Variants in OTUD7A observed in about 807,000 individuals in gnomAD.
OTUD7A encodes OTU domain-containing protein 7A.
A neutral mutation model predicts 65.7 loss-of-function variants in OTUD7A; 12 were observed. That is an observed-to-expected ratio of 0.18 (90% CI 0.12 to 0.30). The LOEUF (loss-of-function observed/expected upper bound fraction) is 0.30. Among genes scored for constraint, OTUD7A ranks in the 10% least tolerant of loss-of-function variants. OTUD7A has a pLI of 1.00. For synonymous variants in OTUD7A, 641 were observed against 586.3 expected (o/e 1.09, Z -1.35); for missense variants, 1,148 against 1,304.8 (o/e 0.88, Z 1.85).
intron 1 of OTUD7A, among the ~76,000 whole-genome samples, chr15:31,828,843 G>A (rs1045183008): frequency 4.6e-5 from 7 of 151,978 alleles, no homozygotes; most frequent in Admixed American, 6.6e-5. Context: ...TCCCTCTCCC[G>A]CTTTACCCCA....
rs2041113343 is a variant in OTUD7A at position 31,481,217 on chromosome 15, T to A, written c.*2077A>T. 1 of 152,240 alleles carries A rather than the reference T, an allele frequency of 6.6e-6. No individual in the cohort carries two copies. The highest frequency in any genetic ancestry group is 2.4e-5 in the African/African-American group (1 of 41,448). 9.4% of individuals were successfully genotyped at this position (152,240 alleles called of 1,614,324 possible). On this transcript the variant is annotated 3_prime_UTR_variant, in exon 13 of 13. Transcript: ENST00000307050. ...GAATTGACTTTATGCCTCCTTGACA[T>A]CTTGTGCATATGAGTTTGGTTTCTG...
intron 1 of OTUD7A, among the ~76,000 whole-genome samples, chr15:31,868,687 CCTT>C (rs1024141907): frequency 3.5e-4 from 54 of 152,308 alleles, no homozygotes; most frequent in African/African-American, 1.3e-3. Flanking sequence ...TGTCCCCTCT[CCTT>C]CTCCACCAAG....
At chr15:31,687,479 C>T (rs1333966748) in intron 1 of OTUD7A, among the ~76,000 whole-genome samples, 2 of 152,232 alleles carry the variant, frequency 1.3e-5, no homozygotes, top group Admixed American at 6.5e-5. Flanking sequence ...TTAACAGCTA[C>T]TGCTTAGCAA....
chr15:31,481,179 A>G lies in OTUD7A; in HGVS notation c.*2115T>C, dbSNP rs1256427889. 2.1e-5 allele frequency: 3 copies of G among 142,582 alleles called. No homozygotes were observed. The highest frequency in any genetic ancestry group is 4.6e-5 in the Non-Finnish European group (3 of 65,428). The allele number at this position is 142,582 out of a possible 1,614,324, so 8.8% of individuals were successfully genotyped here. On this transcript the variant is annotated 3_prime_UTR_variant, in exon 13 of 13. Transcript: ENST00000307050. ...TGGCTGTTTTTACATTAAGAAATGAAAAAAACAAGCAAGAATTGACTTTAT... is the reference window on the plus strand; with the variant it reads ...TGGCTGTTTTTACATTAAGAAATGAGAAAAACAAGCAAGAATTGACTTTAT...
chr15:31,818,058 C>T (rs1308176824), intron 1 of OTUD7A, among the ~76,000 whole-genome samples: 1 of 152,166 alleles, frequency 6.6e-6, no homozygotes, highest in South Asian at 2.1e-4. Context: ...TCTATCTCCC[C>T]CCAACTGAGG....
At chr15:31,807,573 G>A (rs951367013) in intron 1 of OTUD7A, among the ~76,000 whole-genome samples, 6 of 152,086 alleles carry the variant, frequency 3.9e-5, no homozygotes, top group African/African-American at 1.4e-4. Context: ...GTTTTGGCAG[G>A]ATTATAGAGG....
intron 5 of OTUD7A, among the ~76,000 whole-genome samples, chr15:31,531,520 C>CAAAAAAAAAA (rs60332452): frequency 2.7e-4 from 22 of 80,086 alleles, no homozygotes; most frequent in African/African-American, 6.7e-4. Flanking sequence ...GAGTAGGCCA[C>CAAAAAAAAAA]AAAAAAAAAA....
chr15:31,492,330 A>G (rs1452118360), intron 10 of OTUD7A, among the ~76,000 whole-genome samples: 2 of 152,172 alleles, frequency 1.3e-5, no homozygotes, highest in African/African-American at 4.8e-5. Context: ...TGTAATTCCA[A>G]CACTTTGGGA....
chr15:31,796,716 T>C (rs1595775515), intron 1 of OTUD7A, among the ~76,000 whole-genome samples: 1 of 151,170 alleles, frequency 6.6e-6, no homozygotes, highest in Admixed American at 6.6e-5. Context: ...TTCATACTTA[T>C]ATTTAGACAG....
intron 1 of OTUD7A, among the ~76,000 whole-genome samples, chr15:31,770,660 C>A (rs1047206991): frequency 6.6e-6 from 1 of 152,122 alleles, no homozygotes; most frequent in Non-Finnish European, 1.5e-5. Context: ...ATGGTCTTAA[C>A]AAAATATGAG....
rs1043872433 is a variant in OTUD7A, at chr15:31,783,217, A to G, written c.-100+87290T>C. 2.0e-5 allele frequency among the ~76,000 whole-genome samples: 3 copies of G among 152,358 alleles called. No homozygotes were observed. The East Asian group carries it at 5.8e-4, about 29-fold the overall frequency. ...AAGAATTTCTCAGCTGTTAGAAACC[A>G]GAAGAAATGGAAAATCAGAGCTTAA... On this transcript the variant is annotated intron_variant, in intron 1 of 12. Transcript: ENST00000307050.
In OTUD7A at chr15:31,476,332, C is replaced by T. The variant is rs1217328254; in HGVS notation, c.*6962G>A. 6.6e-6 allele frequency: 1 copy of T among 152,348 alleles called. No individual in the cohort carries two copies. The highest frequency in any genetic ancestry group is 1.5e-5 in the Non-Finnish European group (1 of 68,136). 9.4% of individuals were successfully genotyped at this position (152,348 alleles called of 1,614,324 possible). On this transcript the variant is annotated 3_prime_UTR_variant, in exon 13 of 13. Transcript: ENST00000307050. ...AGTTTTGGTCCTAAGTTAGCGGAGA[C>T]AAGCTGCCCCACTCCCCACTGCCAA...
chr15:31,646,513 T>C (rs1247558412), intron 3 of OTUD7A, among the ~76,000 whole-genome samples: 2 of 150,976 alleles, frequency 1.3e-5, no homozygotes, highest in Non-Finnish European at 2.9e-5. Flanking sequence ...CAGGCTGGAG[T>C]ACAATGGTGT....
intron 8 of OTUD7A, among the ~76,000 whole-genome samples, chr15:31,517,339 G>A (rs1293801377): frequency 6.6e-6 from 1 of 152,176 alleles, no homozygotes. Flanking sequence ...TGCACTCTGT[G>A]ACCAGAGCCC....
intron 8 of OTUD7A, among the ~76,000 whole-genome samples, chr15:31,504,538 G>C (rs2041528400): frequency 6.6e-6 from 1 of 152,206 alleles, no homozygotes; most frequent in Non-Finnish European, 1.5e-5. Flanking sequence ...CAAAAGGGAG[G>C]TGCACGTTGA....
At chr15:31,564,509 G>C (rs1434413668) in intron 4 of OTUD7A, among the ~76,000 whole-genome samples, 1 of 151,788 alleles carries the variant, frequency 6.6e-6, no homozygotes, top group Non-Finnish European at 1.5e-5. Context: ...GTAGAGGCAG[G>C]ACAGAACAAC....
At chr15:31,679,662 C>A (rs763809759) in intron 1 of OTUD7A, among the ~76,000 whole-genome samples, 2 of 152,166 alleles carry the variant, frequency 1.3e-5, no homozygotes, top group Non-Finnish European at 2.9e-5. Flanking sequence ...CTTCACGTTC[C>A]GCCATGATTG....
At chr15:31,602,009 G>A (rs539916341) in intron 3 of OTUD7A, among the ~76,000 whole-genome samples, 72 of 152,212 alleles carry the variant, frequency 4.7e-4, no homozygotes, top group African/African-American at 1.3e-3. Flanking sequence ...ATTCACAGCC[G>A]AATTCTACCA....
At chr15:31,794,954 G>C (rs1895914488) in intron 1 of OTUD7A, among the ~76,000 whole-genome samples, 1 of 152,208 alleles carries the variant, frequency 6.6e-6, no homozygotes, top group Non-Finnish European at 1.5e-5. Flanking sequence ...CCAGAGTTTA[G>C]TCATTGGTCT....
Sources: gnomAD v4.1 joint callset for allele counts (sites outside exome capture counted in the v4.1 genomes callset) on GRCh38, gnomAD v4.1.1 for gene constraint, MANE v1.5 for transcripts, NCBI Gene and HGNC (gene_info 2026-07-23, HGNC 2026-07-21) for gene names.